PLK5: variants seen among roughly 807,000 people sequenced by gnomAD.
PLK5 encodes inactive serine/threonine-protein kinase PLK5.
PLK5 carries 28 observed loss-of-function variants against 33.7 expected under a neutral mutation model. The observed-to-expected ratio is 0.83, with a 90% confidence interval of 0.62 to 1.14. PLK5 has a LOEUF of 1.14. Ranked by LOEUF, PLK5 falls within the 50% of genes most tolerant of loss-of-function variation. The probability of loss-of-function intolerance (pLI) is 0.00; values close to 1 mark genes in which losing one functional copy is unlikely to be tolerated. For missense variants in PLK5, 492 were observed against 461.5 expected, an observed-to-expected ratio of 1.07 and a Z score of -0.61; for synonymous variants, 225 against 202.2, an observed-to-expected ratio of 1.11 and a Z score of -0.96.
intron 6 of PLK5, among the ~76,000 whole-genome samples, chr19:1,527,672 G>A (rs1007358314): frequency 6.6e-6 from 1 of 151,612 alleles, no homozygotes; most frequent in Non-Finnish European, 1.5e-5. Context: ...TGCAGGCAGG[G>A]GATGGACAGA....
chr19:1,531,675 T>C (rs887972905), intron 11 of PLK5, 63 bp from the exon 12 acceptor site: 115 of 1,506,936 alleles, frequency 7.6e-5, no homozygotes, highest in Non-Finnish European at 9.1e-5. Context: ...ATCACATTTA[T>C]TGAGTGCCTA....
chr19:1,532,242 C>T (rs1052338789), intron 12 of PLK5, among the ~76,000 whole-genome samples: 1 of 152,040 alleles, frequency 6.6e-6, no homozygotes, highest in Non-Finnish European at 1.5e-5. Context: ...CCCATCCCTA[C>T]AAAAATTTTA....
chr19:1,531,365 C>T (rs559664370), intron 11 of PLK5, among the ~76,000 whole-genome samples: 8 of 151,310 alleles, frequency 5.3e-5, no homozygotes, highest in South Asian at 2.1e-4. Context: ...GCCGAGATTG[C>T]GCCACTGCAC....
chr19:1,525,001 G>C (rs1024392820), intron 1 of PLK5: 1 of 143,416 alleles, frequency 7.0e-6, no homozygotes, highest in African/African-American at 2.5e-5. Context: ...CTCTGTGTCT[G>C]GGCGTTGCGT....
At chr19:1,532,811 C>G (rs998112970) in intron 12 of PLK5, among the ~76,000 whole-genome samples, 1 of 151,964 alleles carries the variant, frequency 6.6e-6, no homozygotes, top group Admixed American at 6.6e-5. Context: ...CATGAGCCAC[C>G]GCGCTCAGCC....
At chr19:1,530,760 C>T (rs1370747397) in intron 11 of PLK5, among the ~76,000 whole-genome samples, 5 of 151,606 alleles carry the variant, frequency 3.3e-5, no homozygotes, top group African/African-American at 1.2e-4. Context: ...GCTGGGACTA[C>T]AGGCACCCGC....
chr19:1,535,032 G>T (rs779264669), intron 13 of PLK5, 33 bp from the exon 14 acceptor site: 1 of 1,478,020 alleles, frequency 6.8e-7, no homozygotes, highest in African/African-American at 1.4e-5. Flanking sequence ...AGGGGTACCC[G>T]TCTCCCCTTG....
Position 1,528,026 on chromosome 19 carries a change from C to T in PLK5, c.93C>T (p.Pro31=), listed in dbSNP as rs1455221318. ...TCCGTGAGGGCCACTACCCCGAACC[C>T]GCTCACCTGTCTGCCAATGCGCGCC... ...QNIREGHYPE[P]AHLSANARRL... Residue 31 remains proline (P), a synonymous_variant, in exon 7 of 14, where the codon CCC becomes CCT. Transcript: ENST00000454744. The T allele has an allele frequency of 1.3e-5, 20 of 1,536,156 alleles. No individual in the cohort carries two copies. Among genetic ancestry groups the T allele is most frequent in the East Asian group, 7.3e-5 (3 of 40,922 alleles).
In PLK5 at chr19:1,526,758, C is replaced by T. The variant is rs756302825; in HGVS notation, c.-128C>T. 11 of 571,950 alleles carry T rather than the reference C, an allele frequency of 1.9e-5. No individual in the cohort carries two copies. The highest frequency in any genetic ancestry group is 3.1e-5 in the East Asian group (1 of 32,426). 35.4% of individuals were successfully genotyped at this position (571,950 alleles called of 1,614,324 possible). A position where few individuals can be genotyped will look rare whatever the true frequency, so the allele number is the denominator to read the frequency against. ...GTGAAGATTGGAGACCTGGGACTGG[C>T]GGCCAAGGTGGGGCCAGGGGGCCGC... is the stretch of plus-strand genomic sequence containing the variant. On this transcript the variant is annotated 5_prime_UTR_variant, in exon 5 of 14. Coordinates refer to ENST00000454744, the MANE Select transcript of PLK5 (RefSeq NM_001243079.2).
At position 1,526,497 on chromosome 19, in the gene PLK5, C is replaced by A. The variant is rs186770420; in HGVS notation, c.-301C>A. On this transcript the variant is annotated 5_prime_UTR_variant, in exon 4 of 14. Coordinates refer to ENST00000454744, the MANE Select transcript of PLK5 (RefSeq NM_001243079.2). ...CTGGTCACCCACAGTCTTTGGCCCA[C>A]GTGCTGAGGGCGCGGCAGATCCTGA... 3.2e-4 allele frequency: 83 copies of A among 260,508 alleles called. No individual in the cohort carries two copies. Among genetic ancestry groups the A allele is most frequent in the Admixed American group, 2.0e-3 (40 of 19,864 alleles). The allele number at this position is 260,508 out of a possible 1,614,324, so 16.1% of individuals were successfully genotyped here.
chr19:1,535,041 T>G, intron 13 of PLK5, 24 bp from the exon 14 acceptor site: 1 of 1,502,486 alleles, frequency 6.7e-7, no homozygotes, highest in Non-Finnish European at 8.9e-7. Flanking sequence ...CGTCTCCCCT[T>G]GACTGGTATC....
intron 12 of PLK5, among the ~76,000 whole-genome samples, chr19:1,533,298 C>T (rs60516720): frequency 0.26 from 39,660 of 151,768 alleles, 5,920 homozygotes; most frequent in East Asian, 0.63. Context: ...TCCATGTTGG[C>T]CAGGCTGGTC....
At chr19:1,533,788 G>A (rs1473626373) in intron 12 of PLK5, 143 bp from the exon 13 acceptor site, 1 of 665,136 alleles carries the variant, frequency 1.5e-6, no homozygotes, top group East Asian at 2.7e-5. Context: ...CCGGCCTGCT[G>A]GGCGCCAAGC....
chr19:1,527,093 A>C, intron 6 of PLK5, 95 bp downstream of exon 6: 5 of 1,292,954 alleles, frequency 3.9e-6, no homozygotes, highest in Admixed American at 2.4e-5. Context: ...ACCGTTGTGC[A>C]GGGTGGGGCG....
intron 8 of PLK5, 28 bp downstream of exon 8, chr19:1,528,456 C>T (rs1913813638): frequency 6.6e-7 from 1 of 1,514,604 alleles, no homozygotes; most frequent in East Asian, 2.5e-5. Flanking sequence ...CCACACCTGC[C>T]CAACACCTGC....
intron 12 of PLK5, among the ~76,000 whole-genome samples, chr19:1,533,012 T>C (rs988504305): frequency 6.7e-6 from 1 of 150,312 alleles, no homozygotes; most frequent in Non-Finnish European, 1.5e-5. Flanking sequence ...TATGCATCAG[T>C]AGGTCCCAGC....
At chr19:1,534,506 C>CAAA (rs34568711) in intron 13 of PLK5, among the ~76,000 whole-genome samples, 52 of 86,696 alleles carry the variant, frequency 6.0e-4, no homozygotes, top group African/African-American at 2.2e-3. Context: ...GACTTCGTCT[C>CAAA]AAAAAAAAAA....
intron 13 of PLK5, 70 bp downstream of exon 13, chr19:1,534,111 C>A: frequency 1.7e-6 from 2 of 1,201,396 alleles, no homozygotes; most frequent in Non-Finnish European, 2.3e-6. Flanking sequence ...TGGGCTGTTA[C>A]GGAGCAAGCT....
rs548165364 is a variant in PLK5 at position 1,528,971 on chromosome 19, C to T, written c.402C>T (p.Gly134=). The T allele has an allele frequency of 7.9e-5, 119 of 1,509,920 alleles. No individual in the cohort carries two copies. Among genetic ancestry groups the T allele is most frequent in the East Asian group, 1.7e-4 (7 of 40,252 alleles). 93.5% of individuals were successfully genotyped at this position (1,509,920 alleles called of 1,614,324 possible). A position where few individuals can be genotyped will look rare whatever the true frequency, so the allele number is the denominator to read the frequency against. Reference sequence around the variant, plus strand: ...ACCCTGACTCCATGGAGTGGGACGGCGAGGTGAGACATCGGGGTGGGGGAC... The same window carrying T: ...ACCCTGACTCCATGGAGTGGGACGGTGAGGTGAGACATCGGGGTGGGGGAC... ...GPDPDSMEWD[G]ESSLSAKEVP... The change falls in exon 9 of 14, where the codon GGC becomes GGT. Residue 134 remains glycine (G), a synonymous_variant. Coordinates refer to ENST00000454744, the MANE Select transcript of PLK5 (RefSeq NM_001243079.2).
Sources: allele counts gnomAD v4.1 joint callset (sites outside exome capture counted in the v4.1 genomes callset), GRCh38; gene constraint gnomAD v4.1.1; transcripts MANE v1.5; gene names NCBI Gene and HGNC (gene_info 2026-07-23, HGNC 2026-07-21).